The following COL5A2 variants were observed in gnomAD, a reference collection of about 807,000 sequenced individuals.
The protein encoded by COL5A2 is collagen alpha-2(V) chain.
A neutral mutation model predicts 208.2 loss-of-function variants in COL5A2; 23 were observed. The ratio of observed to expected loss-of-function variants is 0.11; its 90% CI spans 0.08 to 0.16. The LOEUF (loss-of-function observed/expected upper bound fraction) is 0.16, where lower values mean the gene tolerates loss of function less well. Among genes scored for constraint, COL5A2 ranks in the 10% least tolerant of loss-of-function variants. COL5A2 has a pLI of 1.00. For synonymous variants in COL5A2, 625 were observed against 628.5 expected, an observed-to-expected ratio of 0.99 and a Z score of 0.08; for missense variants, 1,590 against 1,956.4, an observed-to-expected ratio of 0.81 and a Z score of 3.53.
At chr2:189,418,211 A>T in the COL5A2 span, among the ~76,000 whole-genome samples, 3 of 152,220 alleles carry the variant, frequency 2.0e-5, no homozygotes, top group South Asian at 6.2e-4. Context: ...TTTCATTTTA[A>T]TAAAAATTTG....
chr2:189,239,153 G>A, the COL5A2 span, among the ~76,000 whole-genome samples: 2 of 151,862 alleles, frequency 1.3e-5, no homozygotes, highest in East Asian at 3.9e-4. Flanking sequence ...ATCATCACAG[G>A]GAGTGTAGAC....
the COL5A2 span, among the ~76,000 whole-genome samples, chr2:189,393,831 TA>T: frequency 1.3e-5 from 2 of 152,220 alleles, no homozygotes; most frequent in African/African-American, 4.8e-5. Context: ...CTAGTTACAG[TA>T]GCAAAACATA....
chr2:189,374,040 G>GA, the COL5A2 span, among the ~76,000 whole-genome samples: 5 of 151,972 alleles, frequency 3.3e-5, no homozygotes, highest in South Asian at 2.1e-4. Context: ...ATTTTTGAAG[G>GA]AAAAAATGTC....
chr2:189,087,546 CT>C (rs1207755331), intron 8 of COL5A2, among the ~76,000 whole-genome samples: 1 of 151,770 alleles, frequency 6.6e-6, no homozygotes, highest in Non-Finnish European at 1.5e-5. Flanking sequence ...TCACTGCAAG[CT>C]CCACCTCCCG....
At chr2:189,375,280 C>T in the COL5A2 span, among the ~76,000 whole-genome samples, 1 of 152,046 alleles carries the variant, frequency 6.6e-6, no homozygotes, top group African/African-American at 2.4e-5. Flanking sequence ...GCCTCCCAAA[C>T]TGCTGGGATT....
At chr2:189,405,679 A>G in the COL5A2 span, among the ~76,000 whole-genome samples, 1 of 152,246 alleles carries the variant, frequency 6.6e-6, no homozygotes, top group Non-Finnish European at 1.5e-5. Flanking sequence ...GGAGAGGTAT[A>G]CAACATAAAA....
chr2:189,072,007 G>A (rs368580358), intron 18 of COL5A2, 33 bp downstream of exon 18: 22 of 1,413,666 alleles, frequency 1.6e-5, no homozygotes, highest in African/African-American at 1.1e-4. Context: ...ATCATGTAGC[G>A]TTAAATACTG....
the COL5A2 span, among the ~76,000 whole-genome samples, chr2:189,296,858 A>G: frequency 6.6e-6 from 1 of 152,212 alleles, no homozygotes; most frequent in Admixed American, 6.5e-5. Context: ...TTGAAAAGTA[A>G]GCAAAATAGT....
the COL5A2 span, among the ~76,000 whole-genome samples, chr2:189,359,243 C>A: frequency 6.6e-6 from 1 of 151,980 alleles, no homozygotes; most frequent in South Asian, 2.1e-4. Flanking sequence ...TTGAGGTATA[C>A]TTCTTCTATA....
the COL5A2 span, among the ~76,000 whole-genome samples, chr2:189,303,438 T>A: frequency 6.6e-6 from 1 of 152,140 alleles, no homozygotes; most frequent in Non-Finnish European, 1.5e-5. Context: ...CCCAAAACTG[T>A]TCCTGGGTAT....
intron 6 of COL5A2, chr2:189,095,716 T>A (rs1686895818): frequency 6.6e-6 from 1 of 152,130 alleles, no homozygotes; most frequent in South Asian, 2.1e-4. Flanking sequence ...TAGGACCCAA[T>A]GTTATCAATT....
intron 6 of COL5A2, among the ~76,000 whole-genome samples, chr2:189,097,069 T>A (rs1194935625): frequency 6.6e-6 from 1 of 152,228 alleles, no homozygotes; most frequent in African/African-American, 2.4e-5. Flanking sequence ...TTCCTTAAGT[T>A]CTACTTTATT....
chr2:189,060,101 TC>T (rs1014215450), intron 31 of COL5A2, among the ~76,000 whole-genome samples: 3 of 152,168 alleles, frequency 2.0e-5, no homozygotes, highest in African/African-American at 7.2e-5. Context: ...CTCTCAGATC[TC>T]ATAAAAGATA....
At chr2:189,047,015 G>C (rs1448626895) in intron 45 of COL5A2, among the ~76,000 whole-genome samples, 1 of 151,846 alleles carries the variant, frequency 6.6e-6, no homozygotes, top group East Asian at 1.9e-4. Context: ...CCAGCTACTG[G>C]GGAGGCTGAG....
At chr2:189,188,702 T>C (rs1407518038) in intron 1 of COL5A2, among the ~76,000 whole-genome samples, 1 of 152,162 alleles carries the variant, frequency 6.6e-6, no homozygotes, top group Non-Finnish European at 1.5e-5. Flanking sequence ...ATGCTCCACG[T>C]CCTGCTTTTA....
chr2:189,334,914 T>C, the COL5A2 span, among the ~76,000 whole-genome samples: 1 of 151,950 alleles, frequency 6.6e-6, no homozygotes, highest in African/African-American at 2.4e-5. Flanking sequence ...ATTTCAGAAA[T>C]AGACAACATA....
At chr2:189,101,287 T>C (rs1221355563) in intron 3 of COL5A2, among the ~76,000 whole-genome samples, 1 of 152,046 alleles carries the variant, frequency 6.6e-6, no homozygotes, top group Non-Finnish European at 1.5e-5. Flanking sequence ...AAAAATACTA[T>C]GTGTTCATAG....
chr2:189,382,447 T>C, the COL5A2 span, among the ~76,000 whole-genome samples: 1 of 152,106 alleles, frequency 6.6e-6, no homozygotes, highest in Non-Finnish European at 1.5e-5. Context: ...TTTATTCAAG[T>C]AGTTAAAGAT....
the COL5A2 span, among the ~76,000 whole-genome samples, chr2:189,413,783 ATTTTTTTTTT>A: frequency 1.3e-5 from 1 of 79,176 alleles, no homozygotes; most frequent in African/African-American, 5.1e-5. Context: ...CCTTGGCGTC[ATTTTTTTTTT>A]TTTTTTTTTT....
Sources: gnomAD v4.1 joint callset for allele counts (sites outside exome capture counted in the v4.1 genomes callset) on GRCh38, gnomAD v4.1.1 for gene constraint, MANE v1.5 for transcripts, NCBI Gene and HGNC (gene_info 2026-07-23, HGNC 2026-07-21) for gene names.